ADGRL3: variants seen among roughly 807,000 people sequenced by gnomAD.
ADGRL3 encodes the protein adhesion G protein-coupled receptor L3, also known as calcium-independent alpha-latrotoxin receptor 3.
A neutral mutation model predicts 153.5 loss-of-function variants in ADGRL3; 62 were observed. The observed-to-expected ratio is 0.40, with a 90% CI of 0.33 to 0.50. The LOEUF (loss-of-function observed/expected upper bound fraction) is 0.50, where lower values mean the gene tolerates loss of function less well. Ranked by LOEUF, ADGRL3 falls within the 20% of genes least tolerant of loss-of-function variation. ADGRL3 has a pLI of 0.47. For synonymous variants in ADGRL3, 710 were observed against 672.5 expected (o/e 1.06, Z -0.86); for missense variants, 1,641 against 1,859.4 (o/e 0.88, Z 2.16).
rs147989159 is a variant in ADGRL3, at chr4:61,535,365, A to G, written c.259+17847A>G. On this transcript the variant is annotated intron_variant, in intron 4 of 26. Transcript: ENST00000683033. ...CTAGTATTTTGTTGAGGATTTTTGC[A>G]TCTGTGTTCATCAGGGATATTGGTC... is the stretch of plus-strand genomic sequence containing the variant. 2.6e-3 allele frequency among the ~76,000 whole-genome samples: 390 copies of G among 152,162 alleles called. 3 individuals carry two copies. Among genetic ancestry groups the G allele is most frequent in the Non-Finnish European group, 4.6e-3 (310 of 67,960 alleles).
At chr4:61,653,349 T>G (rs1258560969) in intron 5 of ADGRL3, among the ~76,000 whole-genome samples, 2 of 152,168 alleles carry the variant, frequency 1.3e-5, no homozygotes, top group Non-Finnish European at 2.9e-5. Flanking sequence ...TATTTAAGCT[T>G]CCCTGTCTGC....
At chr4:61,964,757 A>T (rs944383539) in intron 17 of ADGRL3, among the ~76,000 whole-genome samples, 5 of 152,088 alleles carry the variant, frequency 3.3e-5, no homozygotes, top group Admixed American at 6.5e-5. Context: ...TTATTATTTT[A>T]AAAAAATTTA....
intron 2 of ADGRL3, among the ~76,000 whole-genome samples, chr4:61,432,569 T>TTTCTTTCTTTCTTTCTTTTC (rs1553928259): frequency 4.4e-5 from 1 of 22,674 alleles, no homozygotes; most frequent in Non-Finnish European, 1.4e-4. Flanking sequence ...CTTTTCTTTC[T>TTTCTTTCTTTCTTTCTTTTC]CTTCCTTTCT....
At chr4:61,983,153 A>C (rs2099074355) in intron 18 of ADGRL3, among the ~76,000 whole-genome samples, 1 of 152,108 alleles carries the variant, frequency 6.6e-6, no homozygotes, top group African/African-American at 2.4e-5. Flanking sequence ...TTTTATTCTA[A>C]TGATACACTG....
chr4:61,750,238 T>A (rs2096736964), intron 8 of ADGRL3, among the ~76,000 whole-genome samples: 1 of 150,966 alleles, frequency 6.6e-6, no homozygotes, highest in African/African-American at 2.4e-5. Flanking sequence ...TTTAGGTGTT[T>A]GCTGGCCATT....
chr4:61,511,884 T>C (rs913675154), intron 3 of ADGRL3, among the ~76,000 whole-genome samples: 1 of 152,182 alleles, frequency 6.6e-6, no homozygotes, highest in Non-Finnish European at 1.5e-5. Context: ...AATTGGATCT[T>C]TTATGACTAT....
chr4:61,572,097 G>A (rs967944560), intron 4 of ADGRL3, among the ~76,000 whole-genome samples: 3 of 152,122 alleles, frequency 2.0e-5, no homozygotes, highest in Non-Finnish European at 4.4e-5. Flanking sequence ...TATTTGTTAA[G>A]AGAGTTTTTG....
intron 3 of ADGRL3, among the ~76,000 whole-genome samples, chr4:61,501,934 ATGAC>A: frequency 6.6e-6 from 1 of 152,056 alleles, no homozygotes; most frequent in East Asian, 1.9e-4. Context: ...TCTGTTTTCC[ATGAC>A]TGTGTCCCCT....
At chr4:61,569,646 C>T (rs778216606) in intron 4 of ADGRL3, among the ~76,000 whole-genome samples, 16 of 152,180 alleles carry the variant, frequency 1.1e-4, no homozygotes, top group Non-Finnish European at 1.8e-4. Flanking sequence ...TTTGATTATT[C>T]TGGACATTTC....
At chr4:62,010,292 G>T (rs1427465946) in intron 21 of ADGRL3, among the ~76,000 whole-genome samples, 1 of 151,908 alleles carries the variant, frequency 6.6e-6, no homozygotes, top group Non-Finnish European at 1.5e-5. Flanking sequence ...CTAGCCTCCC[G>T]CCATCGCCTT....
intron 13 of ADGRL3, among the ~76,000 whole-genome samples, chr4:61,929,559 C>A (rs1393531493): frequency 1.3e-5 from 2 of 152,170 alleles, no homozygotes; most frequent in Non-Finnish European, 2.9e-5. Context: ...ATGGAGAAAA[C>A]TGACTTACAT....
At chr4:62,016,338 C>T (rs929020452) in intron 21 of ADGRL3, among the ~76,000 whole-genome samples, 8 of 152,096 alleles carry the variant, frequency 5.3e-5, no homozygotes, top group South Asian at 2.1e-4. Flanking sequence ...TAAGCCACCA[C>T]GCCCGTCCTT....
intron 5 of ADGRL3, among the ~76,000 whole-genome samples, chr4:61,676,429 C>A (rs886241646): frequency 1.4e-4 from 22 of 151,936 alleles, no homozygotes; most frequent in African/African-American, 5.3e-4. Context: ...TTTACAACTG[C>A]CTAATAAACT....
intron 2 of ADGRL3, among the ~76,000 whole-genome samples, chr4:61,491,545 TAAAAC>T (rs2098258070): frequency 6.6e-6 from 1 of 152,086 alleles, no homozygotes; most frequent in South Asian, 2.1e-4. Context: ...AATGATTAAA[TAAAAC>T]AACTGGTTAT....
intron 5 of ADGRL3, among the ~76,000 whole-genome samples, chr4:61,639,886 G>A (rs758441340): frequency 1.3e-5 from 2 of 151,814 alleles, no homozygotes; most frequent in African/African-American, 2.4e-5. Context: ...AGTCTTTCAC[G>A]TTACAAGTTA....
At chr4:62,012,877 T>C (rs2099192956) in intron 21 of ADGRL3, among the ~76,000 whole-genome samples, 1 of 152,186 alleles carries the variant, frequency 6.6e-6, no homozygotes, top group African/African-American at 2.4e-5. Flanking sequence ...GTTATTAGTA[T>C]GTAAAGTTAA....
chr4:61,900,722 G>A (rs2098659797), intron 11 of ADGRL3, among the ~76,000 whole-genome samples: 1 of 152,026 alleles, frequency 6.6e-6, no homozygotes, highest in Non-Finnish European at 1.5e-5. Flanking sequence ...TGAATGGATG[G>A]AAAAATAGGG....
intron 4 of ADGRL3, among the ~76,000 whole-genome samples, chr4:61,567,224 T>A (rs1418459031): frequency 2.0e-5 from 3 of 152,096 alleles, no homozygotes; most frequent in Non-Finnish European, 4.4e-5. Flanking sequence ...ACTGGTAGAG[T>A]AATTTCCAAA....
At chr4:61,343,686 C>A (rs971437528) in intron 1 of ADGRL3, among the ~76,000 whole-genome samples, 1 of 152,136 alleles carries the variant, frequency 6.6e-6, no homozygotes, top group African/African-American at 2.4e-5. Context: ...TTGGCAAACA[C>A]AGCATATTTT....
Sources: gnomAD v4.1 joint callset for allele counts (sites outside exome capture counted in the v4.1 genomes callset) on GRCh38, gnomAD v4.1.1 for gene constraint, MANE v1.5 for transcripts, NCBI Gene and HGNC (gene_info 2026-07-23, HGNC 2026-07-21) for gene names.